Variants in AUTS2 observed in about 807,000 individuals in gnomAD.
The protein encoded by AUTS2 is autism susceptibility gene 2 protein.
A neutral mutation model predicts 112.4 loss-of-function variants in AUTS2; 17 were observed. That is an observed-to-expected ratio of 0.15 (90% confidence interval 0.10 to 0.23). The LOEUF (loss-of-function observed/expected upper bound fraction) is 0.23, where lower values mean the gene tolerates loss of function less well. AUTS2 is among the 10% of genes least tolerant of loss of function. AUTS2 has a pLI of 1.00. For missense variants in AUTS2, 1,510 were observed against 1,701.6 expected (o/e 0.89, Z 1.98); for synonymous variants, 751 against 702.7 (o/e 1.07, Z -1.09).
At chr7:69,919,424 C>T (rs760827107) in intron 2 of AUTS2, among the ~76,000 whole-genome samples, 10 of 152,154 alleles carry the variant, frequency 6.6e-5, no homozygotes, top group Non-Finnish European at 1.2e-4. Context: ...TTTATGGCCA[C>T]GACTTTGAAT....
intron 2 of AUTS2, among the ~76,000 whole-genome samples, chr7:69,977,199 ATCTT>A (rs1391869920): frequency 1.3e-5 from 2 of 152,204 alleles, no homozygotes; most frequent in Non-Finnish European, 1.5e-5. Context: ...TGAATAAACT[ATCTT>A]TCTCCATTGA....
intron 1 of AUTS2, among the ~76,000 whole-genome samples, chr7:69,798,548 ATTGTCCATATGT>A: frequency 6.6e-6 from 1 of 152,274 alleles, no homozygotes; most frequent in Non-Finnish European, 1.5e-5. Context: ...TTGATTATGC[ATTGTCCATATGT>A]TTACATACTG....
chr7:69,819,003 G>T (rs982039061), intron 1 of AUTS2, among the ~76,000 whole-genome samples: 2 of 152,078 alleles, frequency 1.3e-5, no homozygotes, highest in Non-Finnish European at 2.9e-5. Context: ...GTTTTCTTTG[G>T]AACAACCAAT....
chr7:70,511,140 C>T (rs941259026), intron 5 of AUTS2, among the ~76,000 whole-genome samples: 3 of 151,928 alleles, frequency 2.0e-5, no homozygotes, highest in Admixed American at 6.5e-5. Flanking sequence ...TGAACCACTG[C>T]GCTCGGCCTT....
At chr7:70,250,038 A>G (rs1187214315) in intron 4 of AUTS2, among the ~76,000 whole-genome samples, 1 of 151,806 alleles carries the variant, frequency 6.6e-6, no homozygotes, top group Non-Finnish European at 1.5e-5. Flanking sequence ...AACATTTAAT[A>G]TTAAGTAAAG....
intron 5 of AUTS2, among the ~76,000 whole-genome samples, chr7:70,603,968 A>C (rs1803603208): frequency 6.6e-6 from 1 of 152,164 alleles, no homozygotes; most frequent in African/African-American, 2.4e-5. Flanking sequence ...AAGCTTGGCA[A>C]GGTGATTTTG....
At chr7:70,470,691 C>T (rs1797344943) in intron 5 of AUTS2, among the ~76,000 whole-genome samples, 1 of 151,870 alleles carries the variant, frequency 6.6e-6, no homozygotes, top group South Asian at 2.1e-4. Flanking sequence ...AGGGTGGAGG[C>T]GGGGAGACAA....
At chr7:69,925,563 T>C (rs1015452571) in intron 2 of AUTS2, among the ~76,000 whole-genome samples, 1 of 152,298 alleles carries the variant, frequency 6.6e-6, no homozygotes. Flanking sequence ...ATTAAATCAG[T>C]CAATTAATTA....
intron 5 of AUTS2, among the ~76,000 whole-genome samples, chr7:70,574,651 C>G (rs1160514530): frequency 6.6e-6 from 1 of 152,150 alleles, no homozygotes; most frequent in Non-Finnish European, 1.5e-5. Flanking sequence ...TTTCAACTTT[C>G]ATGGTGAATT....
intron 1 of AUTS2, among the ~76,000 whole-genome samples, chr7:69,768,050 C>T (rs1471298908): frequency 6.6e-6 from 1 of 152,164 alleles, no homozygotes; most frequent in Non-Finnish European, 1.5e-5. Context: ...ATTTTTTAGT[C>T]CTATCTGTCT....
At chr7:69,847,720 T>G (rs942022505) in intron 1 of AUTS2, among the ~76,000 whole-genome samples, 1 of 151,994 alleles carries the variant, frequency 6.6e-6, no homozygotes, top group Non-Finnish European at 1.5e-5. Context: ...TGGGCAAGAG[T>G]AGAAAGCCGA....
chr7:70,750,967 A>G (rs887963719), intron 6 of AUTS2, among the ~76,000 whole-genome samples: 3 of 151,962 alleles, frequency 2.0e-5, no homozygotes, highest in Non-Finnish European at 2.9e-5. Flanking sequence ...CCATTGGCCA[A>G]CCTTAATGGG....
At chr7:70,616,485 C>T (rs1804374082) in intron 5 of AUTS2, among the ~76,000 whole-genome samples, 2 of 152,152 alleles carry the variant, frequency 1.3e-5, no homozygotes, top group African/African-American at 4.8e-5. Context: ...CACCATGTGC[C>T]CTGCTGTGTA....
At chr7:70,743,554 C>T (rs1270159844) in intron 6 of AUTS2, among the ~76,000 whole-genome samples, 2 of 150,578 alleles carry the variant, frequency 1.3e-5, no homozygotes, top group Admixed American at 6.6e-5. Context: ...TATAAATTCA[C>T]GTTTGTTAGG....
At chr7:70,077,246 C>T (rs541565547) in intron 2 of AUTS2, among the ~76,000 whole-genome samples, 1 of 152,146 alleles carries the variant, frequency 6.6e-6, no homozygotes, top group Non-Finnish European at 1.5e-5. Context: ...AGCTTTGACT[C>T]ATTATTGGAT....
chr7:70,536,757 G>A (rs62455786), intron 5 of AUTS2, among the ~76,000 whole-genome samples: 18,728 of 151,628 alleles, frequency 0.12, 1,573 homozygotes, highest in Non-Finnish European at 0.16. Flanking sequence ...AAAATTAGCC[G>A]GGCGAGTTGG....
intron 4 of AUTS2, among the ~76,000 whole-genome samples, chr7:70,289,810 G>A (rs989450621): frequency 1.3e-5 from 2 of 152,192 alleles, no homozygotes; most frequent in African/African-American, 4.8e-5. Context: ...AGTTAGAGGT[G>A]AAAATAATAG....
intron 2 of AUTS2, among the ~76,000 whole-genome samples, chr7:70,077,863 C>T (rs888280745): frequency 7.9e-5 from 12 of 152,146 alleles, no homozygotes; most frequent in African/African-American, 2.9e-4. Context: ...AATTAAACTC[C>T]AGACCCTGGG....
intron 1 of AUTS2, among the ~76,000 whole-genome samples, chr7:69,613,066 A>C (rs1793134429): frequency 1.3e-5 from 2 of 152,356 alleles, no homozygotes; most frequent in South Asian, 4.1e-4. Flanking sequence ...TCTGTTTGAT[A>C]GTTGAAGAAA....
Sources: gnomAD v4.1 joint callset for allele counts (sites outside exome capture counted in the v4.1 genomes callset) on GRCh38, gnomAD v4.1.1 for gene constraint, MANE v1.5 for transcripts, NCBI Gene and HGNC (gene_info 2026-07-23, HGNC 2026-07-21) for gene names.